The following ANO9 variants were observed in gnomAD, a reference collection of about 807,000 sequenced individuals.
ANO9 encodes the protein anoctamin-9.
ANO9 carries 80 observed loss-of-function variants against 100.5 expected under a neutral mutation model. The ratio of observed to expected loss-of-function variants is 0.80; its 90% CI spans 0.66 to 0.96. The LOEUF (loss-of-function observed/expected upper bound fraction) is 0.96, where lower values mean the gene tolerates loss of function less well. ANO9 is among the 40% of genes least tolerant of loss of function. The pLI, the probability that ANO9 is intolerant of heterozygous loss-of-function variation, is 0.00. For synonymous variants in ANO9, 473 were observed against 435.6 expected, an observed-to-expected ratio of 1.09 and a Z score of -1.07; for missense variants, 1,064 against 1,072.7, an observed-to-expected ratio of 0.99 and a Z score of 0.11.
chr11:424,886 C>A (rs1424631436), intron 15 of ANO9, among the ~76,000 whole-genome samples: 1 of 151,946 alleles, frequency 6.6e-6, no homozygotes, highest in African/African-American at 2.4e-5. Context: ...GAAAAAGGCA[C>A]AAAGTGAAGG....
chr11:431,497 T>G (rs576460187), intron 7 of ANO9, among the ~76,000 whole-genome samples, 197 bp downstream of exon 7: 9 of 10,134 alleles, frequency 8.9e-4, no homozygotes, highest in Non-Finnish European at 9.5e-4. Context: ...GTGTGGGGGC[T>G]CCCGCGGGTA....
intron 15 of ANO9, among the ~76,000 whole-genome samples, chr11:424,713 G>C (rs1018285254): frequency 6.6e-6 from 1 of 151,962 alleles, no homozygotes; most frequent in African/African-American, 2.4e-5. Context: ...GAGATAATTA[G>C]GGAACAGATG....
At chr11:440,188 C>G (rs1427560590) in intron 1 of ANO9, among the ~76,000 whole-genome samples, 4 of 152,188 alleles carry the variant, frequency 2.6e-5, no homozygotes, top group South Asian at 4.1e-4. Flanking sequence ...CTCCTGGTGA[C>G]TCAGCACTCG....
chr11:418,812 A>T lies in ANO9; in HGVS notation c.2038T>A (p.Tyr680Asn). ...EGSENVTLCR[Y>N]RDYRNPPDYN... Reference sequence around the variant, plus strand: ...TCGGGGGGATTGCGGTAGTCCCTGTATCTGGGGTAAGGAAGTACCTGAGGT... The same window carrying T: ...TCGGGGGGATTGCGGTAGTCCCTGTTTCTGGGGTAAGGAAGTACCTGAGGT... The change falls in exon 22 of 23, where the codon TAC (tyrosine) becomes AAC (asparagine). Residue 680 changes from tyrosine to asparagine, a missense_variant and splice_region_variant. Transcript: ENST00000332826. The T allele has an allele frequency of 6.2e-7, 1 of 1,613,356 alleles. No homozygotes were observed. Among genetic ancestry groups the T allele is most frequent in the Non-Finnish European group, 8.5e-7 (1 of 1,179,984 alleles).
chr11:440,847 C>T (rs1845813309), intron 1 of ANO9, among the ~76,000 whole-genome samples: 2 of 152,264 alleles, frequency 1.3e-5, no homozygotes, highest in Non-Finnish European at 2.9e-5. Flanking sequence ...AATCCTCTTG[C>T]CTCAGCTTCC....
intron 11 of ANO9, chr11:429,355 G>T: frequency 8.5e-7 from 1 of 1,174,392 alleles, no homozygotes; most frequent in Non-Finnish European, 1.2e-6. Context: ...CGCCTCACGG[G>T]TGGACAGACA....
chr11:418,601 A>G lies in ANO9; in HGVS notation c.2131-12T>C, dbSNP rs143449175. ...CACAAGGCCACGTGCTAGCGGCAGC[A>G]CAGGAGAGGCCCAGCACGGTCAGGT... On this transcript the variant is annotated splice_polypyrimidine_tract_variant and intron_variant, in intron 22 of 22. Transcript: ENST00000332826. The G allele has an allele frequency of 1.5e-3, 2,367 of 1,612,774 alleles. 32 individuals are homozygous for G. The African/African-American group carries it at 0.025, about 17-fold the overall frequency.
Position 420,513 on chromosome 11 carries a change from T to G in ANO9, c.1736A>C (p.Lys579Thr). 3 of 1,605,582 alleles carry G rather than the reference T, an allele frequency of 1.9e-6. No individual in the cohort carries two copies. Among genetic ancestry groups the G allele is most frequent in the Non-Finnish European group, 1.7e-6 (2 of 1,179,598 alleles). The change falls in exon 19 of 23, where the codon AAG becomes ACG. Residue 579 changes from lysine to threonine, a missense_variant. Transcript: ENST00000332826. ...CAGGCGCCGCTGCAACCAGACCATC[T>G]TGATGGCGTCCAGGCGGATCTCCAC... ...NLVEIRLDAI[K>T]MVWLQRRLVP... is the part of the protein sequence containing the mutation.
chr11:420,957 TCG>T lies in ANO9; in HGVS notation c.1476_1477del (p.Glu493ValfsTer129). 1 of 1,605,196 alleles carries T rather than the reference TCG, an allele frequency of 6.2e-7. No individual in the cohort carries two copies. The highest frequency in any genetic ancestry group is 8.5e-7 in the Non-Finnish European group (1 of 1,174,888). On this transcript the variant is annotated frameshift_variant, in exon 17 of 23. Transcript: ENST00000332826. LOFTEE classifies it high-confidence loss of function. The stretch of plus-strand genomic sequence containing the variant: ...GGTCGGCACTCACGGGACCAGGTAC[TCG>T]ACGCAGTTGCTGAGCGTCTGCTTCA...
intron 15 of ANO9, among the ~76,000 whole-genome samples, chr11:425,977 G>T (rs992922395): frequency 2.6e-5 from 4 of 152,012 alleles, no homozygotes; most frequent in Admixed American, 2.6e-4. Flanking sequence ...CATGATCCTC[G>T]TGCCTCGGCC....
rs1303511150 is a variant in ANO9 at position 425,234 on chromosome 11, G to C, written c.1334+2854C>G. Among the ~76,000 whole-genome samples the C allele has an allele frequency of 1.0e-4, 3 of 29,008 alleles. 1 individual carries two copies. The highest frequency in any genetic ancestry group is 1.8e-4 in the Non-Finnish European group (3 of 16,850). The allele number at this position is 29,008 out of a possible 152,430, so 19.0% of individuals were successfully genotyped here. A position where few individuals can be genotyped will look rare whatever the true frequency, so the allele number is the denominator to read the frequency against. ...ACGGGACGCGCGGGAGGAAAAGGCG[G>C]CGTGGAGAGACGGGACGCGCGGGAG... On this transcript the variant is annotated intron_variant, in intron 15 of 22. Coordinates refer to ENST00000332826, the MANE Select transcript of ANO9 (RefSeq NM_001012302.3).
Position 420,956 on chromosome 11 carries a change from C to CCAGG in ANO9, c.1478_1479insCCTG (p.Glu493AspfsTer131). The CCAGG allele has an allele frequency of 6.2e-7, 1 of 1,605,206 alleles. No homozygotes were observed. The highest frequency in any genetic ancestry group is 8.5e-7 in the Non-Finnish European group (1 of 1,174,890). ...GGGTCGGCACTCACGGGACCAGGTA[C>CCAGG]TCGACGCAGTTGCTGAGCGTCTGCT... On this transcript the variant is annotated frameshift_variant, in exon 17 of 23. Coordinates refer to ENST00000332826, the MANE Select transcript of ANO9 (RefSeq NM_001012302.3). LOFTEE classifies it high-confidence loss of function.
In ANO9 at chr11:434,284, G is replaced by T. The variant is rs370845368; in HGVS notation, c.7-186C>A. Among the ~76,000 whole-genome samples the T allele has an allele frequency of 2.2e-3, 329 of 152,318 alleles. No homozygotes were observed. Among genetic ancestry groups the T allele is most frequent in the Middle Eastern group, 0.01 (3 of 294 alleles). On this transcript the variant is annotated intron_variant, in intron 1 of 22. Coordinates refer to ENST00000332826, the MANE Select transcript of ANO9 (RefSeq NM_001012302.3). ...GCCAGAGGGCCTGCTACAAACAACC[G>T]ACGAAGGACTGTGGAAACAGAAGCG...
In ANO9 at chr11:433,874, G is replaced by T; in HGVS notation, c.145C>A (p.Arg49=). The T allele has an allele frequency of 1.9e-6, 3 of 1,563,922 alleles. No individual in the cohort carries two copies. In the East Asian group the frequency reaches 7.0e-5, roughly 36 times the overall value. Reference sequence around the variant, plus strand: ...AGGAACTGTTGCTGCCGCGCCTGCCGGGGGTCTCTCTGGGTGTGACGTTGG... The same window carrying T: ...AGGAACTGTTGCTGCCGCGCCTGCCTGGGGTCTCTCTGGGTGTGACGTTGG... ...VAQRHTQRDP[R]QARQQQFLEE... The change falls in exon 3 of 23, where the codon CGG becomes AGG. Residue 49 remains arginine (R), a synonymous_variant. Coordinates refer to ENST00000332826, the MANE Select transcript of ANO9 (RefSeq NM_001012302.3).
intron 11 of ANO9, 76 bp downstream of exon 11, chr11:429,494 G>A: frequency 6.4e-7 from 1 of 1,574,716 alleles, no homozygotes; most frequent in Admixed American, 1.8e-5. Flanking sequence ...GCAGGCATAT[G>A]TGGGCCGTGC....
intron 11 of ANO9, 125 bp downstream of exon 11, chr11:429,445 A>T (rs1317794708): frequency 3.3e-6 from 5 of 1,501,758 alleles, no homozygotes; most frequent in Non-Finnish European, 4.4e-6. Context: ...CACGCCCCAC[A>T]TGTGGGGAGA....
intron 14 of ANO9, 41 bp from the exon 15 acceptor site, chr11:428,240 G>A (rs1212488857): frequency 1.9e-6 from 3 of 1,609,288 alleles, no homozygotes; most frequent in Non-Finnish European, 2.5e-6. Flanking sequence ...CTGCTCATAG[G>A]AGAGGCCCTG....
At chr11:429,996 G>A in intron 9 of ANO9, 87 bp downstream of exon 9, 1 of 1,453,708 alleles carries the variant, frequency 6.9e-7, no homozygotes, top group Non-Finnish European at 9.4e-7. Flanking sequence ...AGCTCTGCAG[G>A]GCTCCAGGCC....
At chr11:427,089 G>A (rs1232354544) in intron 15 of ANO9, among the ~76,000 whole-genome samples, 2 of 152,160 alleles carry the variant, frequency 1.3e-5, no homozygotes, top group Non-Finnish European at 2.9e-5. Flanking sequence ...AGACGGATGG[G>A]GGTCAAGAAC....
Sources: gnomAD v4.1 joint callset for allele counts (sites outside exome capture counted in the v4.1 genomes callset) on GRCh38, gnomAD v4.1.1 for gene constraint, MANE v1.5 for transcripts, NCBI Gene and HGNC (gene_info 2026-07-23, HGNC 2026-07-21) for gene names.